Variants in RBFOX1 observed in about 807,000 individuals in gnomAD.
RBFOX1 encodes RNA binding fox-1 homolog 1.
Under a neutral mutation model 57.7 loss-of-function variants are expected in RBFOX1, and 8 were observed. That is an observed-to-expected ratio of 0.14 (90% CI 0.08 to 0.25). The LOEUF is 0.25. RBFOX1 is among the 10% of genes least tolerant of loss of function. RBFOX1 has a pLI of 1.00. For synonymous variants in RBFOX1, 326 were observed against 222.4 expected, an observed-to-expected ratio of 1.47 and a Z score of -4.15; for missense variants, 611 against 548.5, an observed-to-expected ratio of 1.11 and a Z score of -1.14.
At chr16:7,342,611 C>G (rs1474241432) in intron 4 of RBFOX1, among the ~76,000 whole-genome samples, 1 of 152,138 alleles carries the variant, frequency 6.6e-6, no homozygotes, top group Non-Finnish European at 1.5e-5. Flanking sequence ...TGCTCCCATT[C>G]TTGGTGGAGA....
intron 3 of RBFOX1, among the ~76,000 whole-genome samples, chr16:6,927,240 C>A (rs369914856): frequency 2.0e-5 from 3 of 151,328 alleles, no homozygotes; most frequent in Non-Finnish European, 2.9e-5. Flanking sequence ...CTGCCAGTTC[C>A]CATCTCTACT....
intron 1 of RBFOX1, among the ~76,000 whole-genome samples, chr16:5,351,964 C>T (rs886823688): frequency 4.6e-5 from 7 of 152,160 alleles, no homozygotes; most frequent in Middle Eastern, 3.4e-3. Flanking sequence ...CCACCACGCT[C>T]GGCTAATTTT....
At chr16:5,583,583 T>C (rs1480851374) in intron 2 of RBFOX1, among the ~76,000 whole-genome samples, 1 of 152,210 alleles carries the variant, frequency 6.6e-6, no homozygotes, top group African/African-American at 2.4e-5. Flanking sequence ...ATTCACGAAT[T>C]GTTTCTTTTC....
At chr16:7,053,012 G>T (rs2050642398) in intron 4 of RBFOX1, among the ~76,000 whole-genome samples, 1 of 152,140 alleles carries the variant, frequency 6.6e-6, no homozygotes, top group Admixed American at 6.5e-5. Context: ...AAACTCCTGT[G>T]CCCAAAGGTG....
At chr16:5,777,143 G>T (rs182731058) in intron 3 of RBFOX1, among the ~76,000 whole-genome samples, 1 of 152,242 alleles carries the variant, frequency 6.6e-6, no homozygotes, top group African/African-American at 2.4e-5. Context: ...AATTCTGGAG[G>T]TCACAAGTCC....
At chr16:7,524,012 A>G (rs941394826) in intron 5 of RBFOX1, among the ~76,000 whole-genome samples, 4 of 152,192 alleles carry the variant, frequency 2.6e-5, no homozygotes, top group African/African-American at 9.7e-5. Context: ...GTATTTGCAC[A>G]AAAAGTTACT....
At chr16:6,445,673 C>G (rs545847734) in intron 2 of RBFOX1, among the ~76,000 whole-genome samples, 10 of 151,638 alleles carry the variant, frequency 6.6e-5, no homozygotes, top group Non-Finnish European at 8.8e-5. Flanking sequence ...ACCTCCACCC[C>G]CTGGGTTCAA....
chr16:5,617,619 A>G (rs1435081083), intron 3 of RBFOX1, among the ~76,000 whole-genome samples: 1 of 152,186 alleles, frequency 6.6e-6, no homozygotes, highest in Non-Finnish European at 1.5e-5. Context: ...ATCTTACTGT[A>G]ATCAAGCTGT....
At chr16:7,034,826 A>C (rs1457374670) in intron 3 of RBFOX1, among the ~76,000 whole-genome samples, 4 of 30,728 alleles carry the variant, frequency 1.3e-4, no homozygotes, top group African/African-American at 6.7e-4. Context: ...ATATTGCATT[A>C]CTTTTTTTTT....
chr16:7,183,435 T>G (rs2083123695), intron 4 of RBFOX1, among the ~76,000 whole-genome samples: 1 of 152,210 alleles, frequency 6.6e-6, no homozygotes, highest in South Asian at 2.1e-4. Context: ...TGAACGAAAG[T>G]GTTTTATTTC....
At chr16:7,693,338 C>T (rs1186348541) in intron 14 of RBFOX1, 1 of 1,612,744 alleles carries the variant, frequency 6.2e-7, no homozygotes, top group African/African-American at 1.3e-5. Flanking sequence ...TTCGTTGCAG[C>T]AGATGAAATT....
rs2054850714 is a variant in RBFOX1, at chr16:5,795,577, C to T, written c.319-71726C>T. Reference sequence around the variant, plus strand: ...AAGTGCTAGGATTACAGACATGAACCACTGTGCCTAGCCTGGTCTTCAATA... The same window carrying T: ...AAGTGCTAGGATTACAGACATGAACTACTGTGCCTAGCCTGGTCTTCAATA... On this transcript the variant is annotated intron_variant, in intron 3 of 19. Coordinates refer to the RBFOX1 transcript ENST00000641259. Among the ~76,000 whole-genome samples, 3 of 152,138 alleles carry T rather than the reference C, an allele frequency of 2.0e-5. No homozygotes were observed. In the South Asian group the frequency reaches 6.2e-4, roughly 32 times the overall value.
intron 3 of RBFOX1, among the ~76,000 whole-genome samples, chr16:6,986,159 G>A (rs974783001): frequency 2.5e-5 from 3 of 118,762 alleles, no homozygotes; most frequent in East Asian, 3.6e-4. Flanking sequence ...CCTTATATAC[G>A]TCTACCAGAA....
chr16:7,406,896 C>T (rs553335156), intron 4 of RBFOX1, among the ~76,000 whole-genome samples: 1 of 152,304 alleles, frequency 6.6e-6, no homozygotes, highest in South Asian at 2.1e-4. Context: ...TTCCTTGGCT[C>T]ATGGCCCCTT....
chr16:6,976,987 T>C (rs1240293098), intron 3 of RBFOX1, among the ~76,000 whole-genome samples: 3 of 143,760 alleles, frequency 2.1e-5, no homozygotes, highest in Non-Finnish European at 3.0e-5. Context: ...ATATCATATA[T>C]ATCACATGCC....
chr16:7,193,590 C>A (rs1378847589), intron 4 of RBFOX1, among the ~76,000 whole-genome samples: 2 of 152,196 alleles, frequency 1.3e-5, no homozygotes, highest in African/African-American at 4.8e-5. Context: ...GCATTACCGT[C>A]CTTGATCCAA....
intron 2 of RBFOX1, among the ~76,000 whole-genome samples, chr16:5,496,360 C>T (rs1409724635): frequency 6.6e-6 from 1 of 152,152 alleles, no homozygotes; most frequent in African/African-American, 2.4e-5. Context: ...CCTTAGCCCT[C>T]CTGTACCATA....
chr16:7,440,008 G>A (rs1290256057), intron 4 of RBFOX1, among the ~76,000 whole-genome samples: 1 of 143,140 alleles, frequency 7.0e-6, no homozygotes, highest in Non-Finnish European at 1.5e-5. Flanking sequence ...CTGCAGTGCA[G>A]TGGTGAGATC....
At chr16:6,999,302 C>T (rs943994383) in intron 3 of RBFOX1, among the ~76,000 whole-genome samples, 2 of 149,984 alleles carry the variant, frequency 1.3e-5, no homozygotes, top group Non-Finnish European at 3.0e-5. Flanking sequence ...AGCGGTCCAC[C>T]TGCCTCGGCC....
Sources: allele counts gnomAD v4.1 joint callset (sites outside exome capture counted in the v4.1 genomes callset), GRCh38; gene constraint gnomAD v4.1.1; transcripts MANE v1.5; gene names NCBI Gene and HGNC (gene_info 2026-07-23, HGNC 2026-07-21).